Variants in PIBF1 observed in about 807,000 individuals in gnomAD.
PIBF1 encodes progesterone-induced-blocking factor 1.
PIBF1 carries 90 observed loss-of-function variants against 112.5 expected under a neutral mutation model. The observed-to-expected ratio is 0.80, with a 90% CI of 0.67 to 0.95. The LOEUF (loss-of-function observed/expected upper bound fraction) is 0.95. Ranked by LOEUF, PIBF1 falls within the 40% of genes least tolerant of loss-of-function variation. The pLI, the probability that PIBF1 is intolerant of heterozygous loss-of-function variation, is 0.00. For synonymous variants in PIBF1, 301 were observed against 288.6 expected, an observed-to-expected ratio of 1.04 and a Z score of -0.44; for missense variants, 915 against 852.3, an observed-to-expected ratio of 1.07 and a Z score of -0.92.
chr13:73,015,173 G>A lies in PIBF1; in HGVS notation c.2224-696G>A, dbSNP rs115621769. The stretch of plus-strand genomic sequence containing the variant: ...CCTGGCTAACTTGTTTTTTCTTTTC[G>A]TGGAGATGGGGTCTCACTATGTTGC... On this transcript the variant is annotated intron_variant, in intron 17 of 17. Coordinates refer to ENST00000326291, the MANE Select transcript of PIBF1 (RefSeq NM_006346.4). Among the ~76,000 whole-genome samples, 1,244 of 151,714 alleles carry A rather than the reference G, an allele frequency of 8.2e-3. 15 individuals are homozygous for A. Among genetic ancestry groups the A allele is most frequent in the African/African-American group, 0.028 (1,155 of 41,332 alleles).
At chr13:72,934,061 C>T (rs1317567572) in intron 14 of PIBF1, among the ~76,000 whole-genome samples, 1 of 152,100 alleles carries the variant, frequency 6.6e-6, no homozygotes, top group Non-Finnish European at 1.5e-5. Flanking sequence ...ATTAAAGGAT[C>T]TATGCCAACT....
chr13:72,979,723 A>C (rs1433052024), intron 16 of PIBF1, among the ~76,000 whole-genome samples: 1 of 152,120 alleles, frequency 6.6e-6, no homozygotes, highest in East Asian at 1.9e-4. Context: ...GGAGATCGAG[A>C]CCATCCTGGC....
chr13:72,789,096 G>A (rs960584716), intron 2 of PIBF1, among the ~76,000 whole-genome samples: 20 of 152,262 alleles, frequency 1.3e-4, no homozygotes, highest in African/African-American at 3.1e-4. Flanking sequence ...TGATAGTAGA[G>A]CATTGTTAGC....
chr13:72,943,854 C>G (rs904304089), intron 14 of PIBF1, among the ~76,000 whole-genome samples: 1 of 152,128 alleles, frequency 6.6e-6, no homozygotes, highest in Non-Finnish European at 1.5e-5. Flanking sequence ...TGACTTTAGG[C>G]AAGTTATCTT....
intron 14 of PIBF1, among the ~76,000 whole-genome samples, chr13:72,954,772 G>GT (rs1301341935): frequency 2.0e-5 from 3 of 152,112 alleles, no homozygotes; most frequent in Non-Finnish European, 2.9e-5. Context: ...AGGATCTGTG[G>GT]TTTTTTTCAG....
intron 4 of PIBF1, among the ~76,000 whole-genome samples, chr13:72,796,337 C>T (rs1440121168): frequency 6.6e-6 from 1 of 152,074 alleles, no homozygotes; most frequent in Non-Finnish European, 1.5e-5. Flanking sequence ...GGGCAGAGTC[C>T]AGGAGTCCCA....
intron 14 of PIBF1, among the ~76,000 whole-genome samples, chr13:72,963,309 A>C (rs2042654294): frequency 1.3e-5 from 2 of 152,216 alleles, no homozygotes. Context: ...AAAGGAGATT[A>C]TCAGCCGGAC....
intron 11 of PIBF1, among the ~76,000 whole-genome samples, chr13:72,898,158 A>T (rs564147430): frequency 6.6e-6 from 1 of 152,166 alleles, no homozygotes; most frequent in African/African-American, 2.4e-5. Flanking sequence ...CTCCAAAAGG[A>T]ACCTTCAGAA....
intron 2 of PIBF1, among the ~76,000 whole-genome samples, chr13:72,791,654 A>G (rs958430802): frequency 6.6e-6 from 1 of 150,800 alleles, no homozygotes. Context: ...TTTTTTTGAG[A>G]CGGAGTCTCG....
At chr13:72,868,509 T>C (rs932994839) in intron 10 of PIBF1, among the ~76,000 whole-genome samples, 3 of 152,160 alleles carry the variant, frequency 2.0e-5, no homozygotes, top group Admixed American at 6.5e-5. Context: ...AGTCAAGGTA[T>C]GATAAATAAC....
At chr13:72,931,740 A>ATATATATG (rs1342426606) in intron 14 of PIBF1, among the ~76,000 whole-genome samples, 5 of 143,676 alleles carry the variant, frequency 3.5e-5, no homozygotes, top group Admixed American at 7.0e-5. Context: ...ATATATATAT[A>ATATATATG]TATGTATGCA....
chr13:72,963,788 C>T (rs977253020), intron 14 of PIBF1, among the ~76,000 whole-genome samples: 5 of 152,090 alleles, frequency 3.3e-5, no homozygotes, highest in African/African-American at 1.2e-4. Flanking sequence ...GGGAAGACTT[C>T]TCTCCAAAGA....
At chr13:72,918,556 T>G (rs1438354655) in intron 13 of PIBF1, among the ~76,000 whole-genome samples, 1 of 151,118 alleles carries the variant, frequency 6.6e-6, no homozygotes, top group Non-Finnish European at 1.5e-5. Flanking sequence ...CCCTGCTAAT[T>G]TTTGTATTTT....
rs1404632590 is a variant in PIBF1 at position 72,904,637 on chromosome 13, T to C, written c.1489-3894T>C. 3.3e-5 allele frequency among the ~76,000 whole-genome samples: 5 copies of C among 151,334 alleles called. No homozygotes were observed. In the East Asian group the frequency reaches 9.8e-4, roughly 30 times the overall value. Reference sequence around the variant, plus strand: ...TGTATTTTTAGTAGAGACAGGGTTTTGCCGTGTTGGCCATGCTGATCTCAA... The same window carrying C: ...TGTATTTTTAGTAGAGACAGGGTTTCGCCGTGTTGGCCATGCTGATCTCAA... On this transcript the variant is annotated intron_variant, in intron 11 of 17. Coordinates refer to ENST00000326291, the MANE Select transcript of PIBF1 (RefSeq NM_006346.4).
At chr13:72,888,628 A>G (rs535954591) in intron 10 of PIBF1, among the ~76,000 whole-genome samples, 5 of 152,278 alleles carry the variant, frequency 3.3e-5, no homozygotes, top group African/African-American at 1.2e-4. Flanking sequence ...ATAAATTGGA[A>G]TTAATTAAAT....
In PIBF1 at chr13:72,892,159, AT is replaced by A. The variant is rs753619501; in HGVS notation, c.1323-1621del. Among the ~76,000 whole-genome samples, 5 of 152,238 alleles carry A rather than the reference AT, an allele frequency of 3.3e-5. No individual in the cohort carries two copies. In the East Asian group the frequency reaches 9.6e-4, roughly 29 times the overall value. The stretch of plus-strand genomic sequence containing the variant: ...AGAACTGTGTATGTTAAAAGAGTGA[AT>A]TTTATGGTATATGAATTATGTCTCA... On this transcript the variant is annotated intron_variant, in intron 10 of 17. Coordinates refer to ENST00000326291, the MANE Select transcript of PIBF1 (RefSeq NM_006346.4).
chr13:72,877,326 G>A (rs932158171), intron 10 of PIBF1, among the ~76,000 whole-genome samples: 11 of 152,146 alleles, frequency 7.2e-5, no homozygotes, highest in Non-Finnish European at 1.3e-4. Context: ...AATGAGAGAT[G>A]TTGGTCTCTT....
chr13:72,797,726 G>A (rs1011611680), intron 4 of PIBF1, among the ~76,000 whole-genome samples, 181 bp from the exon 5 acceptor site: 14 of 152,156 alleles, frequency 9.2e-5, no homozygotes, highest in Admixed American at 5.9e-4. Flanking sequence ...TGGCCCTTGA[G>A]GGAAGTTAAT....
intron 14 of PIBF1, among the ~76,000 whole-genome samples, chr13:72,955,769 G>T (rs2042428446): frequency 6.6e-6 from 1 of 152,102 alleles, no homozygotes. Context: ...AGCTCTCCTA[G>T]TTCTTTCATT....
Sources: allele counts gnomAD v4.1 joint callset (sites outside exome capture counted in the v4.1 genomes callset), GRCh38; gene constraint gnomAD v4.1.1; transcripts MANE v1.5; gene names NCBI Gene and HGNC (gene_info 2026-07-23, HGNC 2026-07-21).